The following FAM163A variants were observed in gnomAD, a reference collection of about 807,000 sequenced individuals.
FAM163A encodes the protein family with sequence similarity 163 member A.
In FAM163A, 7 loss-of-function variants were observed where a neutral mutation model predicts 12.0. The ratio of observed to expected loss-of-function variants is 0.58; its 90% confidence interval spans 0.33 to 1.10. FAM163A has a LOEUF of 1.10. Among genes scored for constraint, FAM163A ranks in the 50% least tolerant of loss-of-function variants. The pLI is 0.03. For missense variants in FAM163A, 202 were observed against 218.6 expected (o/e 0.92, Z 0.48); for synonymous variants, 101 against 91.0 (o/e 1.11, Z -0.62).
intron 1 of FAM163A, among the ~76,000 whole-genome samples, chr1:179,787,796 G>A (rs1571484032): frequency 6.6e-6 from 1 of 152,314 alleles, no homozygotes; most frequent in African/African-American, 2.4e-5. Flanking sequence ...GCCGAAGTGA[G>A]AGGTGGTGGC....
At chr1:179,784,069 C>A (rs558899097) in intron 1 of FAM163A, among the ~76,000 whole-genome samples, 47 of 152,120 alleles carry the variant, frequency 3.1e-4, no homozygotes, top group African/African-American at 1.0e-3. Context: ...AGAGTCTGAT[C>A]CTTCTGCATA....
chr1:179,750,301 C>T (rs1188345354), intron 1 of FAM163A, among the ~76,000 whole-genome samples: 1 of 152,118 alleles, frequency 6.6e-6, no homozygotes, highest in African/African-American at 2.4e-5. Context: ...TCAGGGGAAA[C>T]AAATTTGTCA....
At chr1:179,780,287 A>G (rs1035508881) in intron 1 of FAM163A, among the ~76,000 whole-genome samples, 11 of 152,376 alleles carry the variant, frequency 7.2e-5, no homozygotes, top group African/African-American at 2.6e-4. Flanking sequence ...TTACTTGATT[A>G]TGCCCTGTTG....
At chr1:179,807,527 A>G (rs1238139894) in intron 1 of FAM163A, among the ~76,000 whole-genome samples, 1 of 152,220 alleles carries the variant, frequency 6.6e-6, no homozygotes, top group Non-Finnish European at 1.5e-5. Flanking sequence ...TGTGCCCAGC[A>G]TCCTGCCGCT....
chr1:179,773,656 A>T (rs1276627471), intron 1 of FAM163A, among the ~76,000 whole-genome samples: 2 of 152,230 alleles, frequency 1.3e-5, no homozygotes, highest in African/African-American at 2.4e-5. Flanking sequence ...GGTTCTTAGC[A>T]TAATTAAGGC....
intron 3 of FAM163A, 126 bp from the exon 4 acceptor site, chr1:179,812,950 C>A: frequency 2.4e-6 from 2 of 831,382 alleles, no homozygotes; most frequent in South Asian, 1.7e-5. Flanking sequence ...TGGGGCCTGG[C>A]CCTCCCGGCA....
At chr1:179,806,067 C>T (rs1693894133) in intron 1 of FAM163A, among the ~76,000 whole-genome samples, 1 of 152,196 alleles carries the variant, frequency 6.6e-6, no homozygotes, top group Non-Finnish European at 1.5e-5. Context: ...AGCTCAGCAA[C>T]ACCTCTCACC....
Position 179,782,819 on chromosome 1 carries a change from A to G in FAM163A, c.-135-24979A>G, listed in dbSNP as rs1689982419. Among the ~76,000 whole-genome samples the G allele has an allele frequency of 2.0e-5, 3 of 152,326 alleles. No individual in the cohort carries two copies. The South Asian group carries it at 6.2e-4, about 32-fold the overall frequency. ...TGAGAATATCCAACTCTTAGAGGCAATGTCAGCATTGCAATCCAGACCTCC... is the reference window on the plus strand; with the variant it reads ...TGAGAATATCCAACTCTTAGAGGCAGTGTCAGCATTGCAATCCAGACCTCC... On this transcript the variant is annotated intron_variant, in intron 1 of 4. Coordinates refer to ENST00000341785, the MANE Select transcript of FAM163A (RefSeq NM_173509.3).
chr1:179,794,576 A>G (rs778208002), intron 1 of FAM163A, among the ~76,000 whole-genome samples: 4 of 152,218 alleles, frequency 2.6e-5, no homozygotes, highest in Non-Finnish European at 4.4e-5. Context: ...AAAAATCATT[A>G]TAACAACACT....
chr1:179,754,866 G>A (rs188642733), intron 1 of FAM163A, among the ~76,000 whole-genome samples: 69 of 152,266 alleles, frequency 4.5e-4, no homozygotes, highest in African/African-American at 1.2e-3. Flanking sequence ...GCTGGGCGCC[G>A]TGGCTCATGC....
Position 179,783,744 on chromosome 1 carries a change from A to ATT in FAM163A, c.-135-24053_-135-24052insTT, listed in dbSNP as rs1557940160. Among the ~76,000 whole-genome samples the ATT allele has an allele frequency of 9.6e-3, 586 of 61,306 alleles. 35 individuals are homozygous for ATT. The highest frequency in any genetic ancestry group is 0.051 in the African/African-American group (354 of 6,962). 40.2% of individuals were successfully genotyped at this position (61,306 alleles called of 152,430 possible). A position where few individuals can be genotyped will look rare whatever the true frequency, so the allele number is the denominator to read the frequency against. ...CCAAATTTTATATAATTGAGCCCAAATATTATATATATATTATATAATTTA... is the reference window on the plus strand; with the variant it reads ...CCAAATTTTATATAATTGAGCCCAAATTTATTATATATATATTATATAATTTA... On this transcript the variant is annotated intron_variant, in intron 1 of 4. Coordinates refer to ENST00000341785, the MANE Select transcript of FAM163A (RefSeq NM_173509.3).
At chr1:179,791,014 C>A (rs1011360611) in intron 1 of FAM163A, among the ~76,000 whole-genome samples, 7 of 152,146 alleles carry the variant, frequency 4.6e-5, no homozygotes, top group African/African-American at 7.2e-5. Flanking sequence ...GCAATAGTCC[C>A]TTTTAGGCCC....
chr1:179,795,876 C>T (rs1692220776), intron 1 of FAM163A, among the ~76,000 whole-genome samples: 1 of 151,570 alleles, frequency 6.6e-6, no homozygotes, highest in Non-Finnish European at 1.5e-5. Flanking sequence ...GAAATGAGTT[C>T]CTGCGTTGGC....
rs147052174 is a variant in FAM163A at position 179,814,032 on chromosome 1, G to A, written c.347G>A (p.Gly116Glu). 11 of 1,613,490 alleles carry A rather than the reference G, an allele frequency of 6.8e-6. No homozygotes were observed. The highest frequency in any genetic ancestry group is 9.3e-6 in the Non-Finnish European group (11 of 1,179,622). Residue 116 changes from glycine (G) to glutamate (E), a missense_variant, in exon 5 of 5, where the codon GGG (glycine) becomes GAG (glutamate). By Grantham distance (98) the Gly-to-Glu change is moderately conservative. Transcript: ENST00000341785. ...YIRTADMVPN[G>E]GGGERLSFAP... is the part of the protein sequence containing the mutation. ...CGGACGGCTGACATGGTGCCCAATG[G>A]GGGTGGAGGCGAGAGGCTCTCCTTT...
At position 179,783,722 on chromosome 1, in the gene FAM163A, A is replaced by G. The variant is rs1205237296; in HGVS notation, c.-135-24076A>G. Among the ~76,000 whole-genome samples, 12 of 120,750 alleles carry G rather than the reference A, an allele frequency of 9.9e-5. 1 individual carries two copies. The highest frequency in any genetic ancestry group is 4.1e-4 in the Admixed American group (5 of 12,308). The allele number at this position is 120,750 out of a possible 152,430, so 79.2% of individuals were successfully genotyped here. A position where few individuals can be genotyped will look rare whatever the true frequency, so the allele number is the denominator to read the frequency against. On this transcript the variant is annotated intron_variant, in intron 1 of 4. Coordinates refer to ENST00000341785, the MANE Select transcript of FAM163A (RefSeq NM_173509.3). Reference sequence around the variant, plus strand: ...ACTTGGCACTTTTTTATACTTCCCAAATTTTATATAATTGAGCCCAAATAT... The same window carrying G: ...ACTTGGCACTTTTTTATACTTCCCAGATTTTATATAATTGAGCCCAAATAT...
chr1:179,790,711 A>C (rs1444730666), intron 1 of FAM163A, among the ~76,000 whole-genome samples: 2 of 152,166 alleles, frequency 1.3e-5, no homozygotes. Context: ...AACTTTGAAG[A>C]CACAGTTGAA....
intron 1 of FAM163A, among the ~76,000 whole-genome samples, chr1:179,775,112 T>C (rs1444730431): frequency 1.3e-5 from 2 of 152,216 alleles, no homozygotes; most frequent in African/African-American, 4.8e-5. Flanking sequence ...CAGAATTTTC[T>C]TGGGTCCAAA....
intron 1 of FAM163A, among the ~76,000 whole-genome samples, chr1:179,778,758 T>A (rs1015838029): frequency 6.6e-6 from 1 of 151,888 alleles, no homozygotes; most frequent in East Asian, 1.9e-4. Context: ...TTGACGTATA[T>A]GTATAAGGCG....
rs371772373 is a variant in FAM163A at position 179,767,833 on chromosome 1, T to C, written c.-136+24410T>C. Among the ~76,000 whole-genome samples, 11 of 152,340 alleles carry C rather than the reference T, an allele frequency of 7.2e-5. No individual in the cohort carries two copies. In the South Asian group the frequency reaches 2.1e-3, roughly 29 times the overall value. On this transcript the variant is annotated intron_variant, in intron 1 of 4. Coordinates refer to ENST00000341785, the MANE Select transcript of FAM163A (RefSeq NM_173509.3). ...AGCCAGAAGGGACCTCAGAAGTTTTTTTAAAAAATTTATTGTGGTTAAAAA... is the reference window on the plus strand; with the variant it reads ...AGCCAGAAGGGACCTCAGAAGTTTTCTTAAAAAATTTATTGTGGTTAAAAA...
Sources: allele counts gnomAD v4.1 joint callset (sites outside exome capture counted in the v4.1 genomes callset), GRCh38; gene constraint gnomAD v4.1.1; transcripts MANE v1.5; gene names NCBI Gene and HGNC (gene_info 2026-07-23, HGNC 2026-07-21).